GNPDA2: variants seen among roughly 807,000 people sequenced by gnomAD.
GNPDA2 encodes glcN6P deaminase 2.
A neutral mutation model predicts 27.0 loss-of-function variants in GNPDA2; 24 were observed. That is an observed-to-expected ratio of 0.89 (90% CI 0.64 to 1.25). GNPDA2 has a LOEUF of 1.25. GNPDA2 is among the 50% of genes most tolerant of loss of function. The probability of loss-of-function intolerance (pLI) is 0.00; values close to 1 mark genes in which losing one functional copy is unlikely to be tolerated. For synonymous variants in GNPDA2, 94 were observed against 108.4 expected (o/e 0.87, Z 0.83); for missense variants, 286 against 335.1 (o/e 0.85, Z 1.14).
At chr4:44,722,420 T>C (rs1171167402) in intron 1 of GNPDA2, among the ~76,000 whole-genome samples, 178 bp from the exon 2 acceptor site, 3 of 152,146 alleles carry the variant, frequency 2.0e-5, no homozygotes, top group Non-Finnish European at 2.9e-5. Flanking sequence ...AAAATAGTAA[T>C]AGCTGTTCTC....
intron 1 of GNPDA2, among the ~76,000 whole-genome samples, chr4:44,725,199 G>A (rs1717936955): frequency 6.6e-6 from 1 of 152,086 alleles, no homozygotes; most frequent in Admixed American, 6.6e-5. Flanking sequence ...ATTGTCAAAG[G>A]GCTTAGAATC....
Position 44,707,760 on chromosome 4 carries a change from T to TTAA in GNPDA2, c.760_761insTTA (p.Tyr254delinsPheAsn). 2 of 1,612,356 alleles carry TTAA rather than the reference T, an allele frequency of 1.2e-6. No individual in the cohort carries two copies. Among genetic ancestry groups the TTAA allele is most frequent in the Non-Finnish European group, 1.7e-6 (2 of 1,179,002 alleles). On this transcript the variant is annotated protein_altering_variant, in exon 6 of 7. Coordinates refer to ENST00000295448, the MANE Select transcript of GNPDA2 (RefSeq NM_138335.3). ...TGAAATTCAGTGCTCACCTTTAAAG[T>TTAA]ATTTCACAGTTTTAACTCTTAATTC...
At chr4:44,714,831 T>C (rs144134579) in intron 4 of GNPDA2, among the ~76,000 whole-genome samples, 176 of 152,350 alleles carry the variant, frequency 1.2e-3, no homozygotes, top group African/African-American at 3.9e-3. Flanking sequence ...TCTCTCTCTC[T>C]GCACAATTAT....
chr4:44,708,022 C>A, intron 5 of GNPDA2, 96 bp from the exon 6 acceptor site: 1 of 795,874 alleles, frequency 1.3e-6, no homozygotes, highest in Non-Finnish European at 1.9e-6. Context: ...ATATTTTTTT[C>A]TGAGAGAAAG....
Position 44,707,749 on chromosome 4 carries a change from C to T in GNPDA2, c.769+3G>A, listed in dbSNP as rs1319900175. 4.3e-6 allele frequency: 7 copies of T among 1,610,410 alleles called. No individual in the cohort carries two copies. The highest frequency in any genetic ancestry group is 5.9e-6 in the Non-Finnish European group (7 of 1,177,792). On this transcript the variant is annotated splice_donor_region_variant and intron_variant, in intron 6 of 6. Coordinates refer to ENST00000295448, the MANE Select transcript of GNPDA2 (RefSeq NM_138335.3). ...CAGTCGGCTTTTGAAATTCAGTGCT[C>T]ACCTTTAAAGTATTTCACAGTTTTA...
At chr4:44,722,854 CCA>C (rs1470242001) in intron 1 of GNPDA2, among the ~76,000 whole-genome samples, 1 of 151,916 alleles carries the variant, frequency 6.6e-6, no homozygotes, top group African/African-American at 2.4e-5. Flanking sequence ...AATAAAATGC[CCA>C]GTTATAGATG....
chr4:44,721,984 A>G, intron 2 of GNPDA2, 100 bp downstream of exon 2: 1 of 898,510 alleles, frequency 1.1e-6, no homozygotes, highest in East Asian at 2.5e-5. Flanking sequence ...TGACATGCCA[A>G]TAAATGAATG....
chr4:44,711,772 A>C (rs1279421113), intron 4 of GNPDA2, among the ~76,000 whole-genome samples: 2 of 151,062 alleles, frequency 1.3e-5, no homozygotes, highest in African/African-American at 4.9e-5. Context: ...TTCTGACTGT[A>C]ACCCTTGTAA....
At chr4:44,726,295 C>G (rs1259809154) in intron 1 of GNPDA2, among the ~76,000 whole-genome samples, 179 bp downstream of exon 1, 2 of 152,142 alleles carry the variant, frequency 1.3e-5, no homozygotes, top group African/African-American at 2.4e-5. Flanking sequence ...CAACCAGGTC[C>G]GCGAGTGGCA....
intron 6 of GNPDA2, chr4:44,705,685 T>G (rs2109691820): frequency 6.4e-6 from 1 of 155,182 alleles, no homozygotes; most frequent in Middle Eastern, 3.3e-3. Context: ...TACCTAGAGT[T>G]TATTCTGGGA....
In GNPDA2 at chr4:44,702,175, T is replaced by C. The variant is rs780071534; in HGVS notation, c.*906A>G. 1.1e-6 allele frequency: 1 copy of C among 898,666 alleles called. No individual in the cohort carries two copies. The highest frequency in any genetic ancestry group is 1.3e-6 in the Non-Finnish European group (1 of 750,770). 55.7% of individuals were successfully genotyped at this position (898,666 alleles called of 1,614,324 possible). ...ATAACTTATTTATTACACGCTTTAT[T>C]TGAGTTAAAGATAAAAAACAATATA... is the stretch of plus-strand genomic sequence containing the variant. On this transcript the variant is annotated 3_prime_UTR_variant, in exon 7 of 7. Coordinates refer to ENST00000295448, the MANE Select transcript of GNPDA2 (RefSeq NM_138335.3).
intron 4 of GNPDA2, among the ~76,000 whole-genome samples, chr4:44,711,887 ACTTACC>A (rs1717006550): frequency 6.6e-6 from 1 of 151,812 alleles, no homozygotes. Flanking sequence ...ATGAAATCAT[ACTTACC>A]CTTACTAGGA....
chr4:44,706,260 G>C (rs960667124), intron 6 of GNPDA2: 1 of 151,348 alleles, frequency 6.6e-6, no homozygotes, highest in Non-Finnish European at 1.5e-5. Context: ...TTTGTGGCTT[G>C]GTAAATTAGT....
chr4:44,711,027 AATATTTGGCAT>A lies in GNPDA2; in HGVS notation c.509_519del (p.Asn170IlefsTer2). 6.2e-7 allele frequency: 1 copy of A among 1,613,556 alleles called. No individual in the cohort carries two copies. The highest frequency in any genetic ancestry group is 1.1e-5 in the South Asian group (1 of 91,026). On this transcript the variant is annotated frameshift_variant, in exon 5 of 7. Transcript: ENST00000295448. LOFTEE classifies it high-confidence loss of function. ...GGCACTTTTGATAAATCTCCATCAA[AATATTTGGCAT>A]TTGCCAAGATGGTATCCATTGCTAG...
rs1716336074 is a variant in GNPDA2 at position 44,702,454 on chromosome 4, T to G, written c.*627A>C. 38 of 977,022 alleles carry G rather than the reference T, an allele frequency of 3.9e-5. No individual in the cohort carries two copies. Among genetic ancestry groups the G allele is most frequent in the Non-Finnish European group, 4.6e-5 (38 of 822,168 alleles). The allele number at this position is 977,022 out of a possible 1,614,324, so 60.5% of individuals were successfully genotyped here. On this transcript the variant is annotated 3_prime_UTR_variant, in exon 7 of 7. Transcript: ENST00000295448. ...ATAAGATATTTGTAAAAAAGTGCTATAGAAGAAGGTGCACAAAAAACATGC... is the reference window on the plus strand; with the variant it reads ...ATAAGATATTTGTAAAAAAGTGCTAGAGAAGAAGGTGCACAAAAAACATGC...
intron 4 of GNPDA2, 98 bp downstream of exon 4, chr4:44,717,015 G>T: frequency 1.4e-6 from 1 of 739,918 alleles, no homozygotes; most frequent in Non-Finnish European, 2.2e-6. Flanking sequence ...AGCCACAGGT[G>T]CTCTTTACAT....
chr4:44,718,339 C>A lies in GNPDA2; in HGVS notation c.196G>T (p.Val66Leu). Residue 66 changes from valine to leucine, a missense_variant, in exon 3 of 7, where the codon GTG becomes TTG. Val to Leu is a conservative substitution (Grantham distance 32). Coordinates refer to ENST00000295448, the MANE Select transcript of GNPDA2 (RefSeq NM_138335.3). ...TATTCATCCATATTAAAGGTCTTCA[C>A]ATATTTAAAAGAAAGGTGTCCATTC... is the stretch of plus-strand genomic sequence containing the variant. ...HKNGHLSFKY[V>L]KTFNMDEYVG... 1 of 1,336,168 alleles carries A rather than the reference C, an allele frequency of 7.5e-7. No homozygotes were observed. The highest frequency in any genetic ancestry group is 1.0e-6 in the Non-Finnish European group (1 of 965,380). 82.8% of individuals were successfully genotyped at this position (1,336,168 alleles called of 1,614,324 possible).
At chr4:44,717,577 T>C (rs1717384188) in intron 3 of GNPDA2, among the ~76,000 whole-genome samples, 1 of 151,790 alleles carries the variant, frequency 6.6e-6, no homozygotes, top group Non-Finnish European at 1.5e-5. Flanking sequence ...GCAAAGGAGT[T>C]AGGATTCAAA....
intron 2 of GNPDA2, among the ~76,000 whole-genome samples, chr4:44,719,268 G>T (rs1717520069): frequency 6.6e-6 from 1 of 151,698 alleles, no homozygotes; most frequent in Non-Finnish European, 1.5e-5. Context: ...CTGATTCCTA[G>T]CTAACCCACC....
Sources: allele counts gnomAD v4.1 joint callset (sites outside exome capture counted in the v4.1 genomes callset), GRCh38; gene constraint gnomAD v4.1.1; transcripts MANE v1.5; gene names NCBI Gene and HGNC (gene_info 2026-07-23, HGNC 2026-07-21).